Variants in PDE7B observed in about 807,000 individuals in gnomAD.
PDE7B encodes phosphodiesterase 7B, also known as 3',5'-cyclic-AMP phosphodiesterase 7B.
A neutral mutation model predicts 56.2 loss-of-function variants in PDE7B; 29 were observed. The observed-to-expected ratio is 0.52, with a 90% CI of 0.38 to 0.70. The LOEUF is 0.70. PDE7B is among the 30% of genes least tolerant of loss of function. PDE7B has a pLI of 0.00. For synonymous variants in PDE7B, 197 were observed against 196.9 expected, an observed-to-expected ratio of 1.00 and a Z score of 0.00; for missense variants, 490 against 565.0, an observed-to-expected ratio of 0.87 and a Z score of 1.35.
intron 2 of PDE7B, among the ~76,000 whole-genome samples, chr6:135,970,579 T>C (rs1308220632): frequency 6.6e-6 from 1 of 152,190 alleles, no homozygotes; most frequent in African/African-American, 2.4e-5. Context: ...CCACTGATGC[T>C]GATAATGCCA....
chr6:136,014,691 T>C (rs1419939495), intron 2 of PDE7B, among the ~76,000 whole-genome samples: 2 of 152,106 alleles, frequency 1.3e-5, no homozygotes, highest in African/African-American at 2.4e-5. Context: ...AAGGCCGGGG[T>C]AGAAACAGAA....
intron 1 of PDE7B, among the ~76,000 whole-genome samples, chr6:135,877,062 C>T (rs1019705516): frequency 4.1e-5 from 6 of 145,794 alleles, no homozygotes; most frequent in African/African-American, 1.7e-4. Flanking sequence ...CTAGAAGATA[C>T]ATTTGTTCTT....
At chr6:136,137,863 T>C (rs998250439) in intron 3 of PDE7B, among the ~76,000 whole-genome samples, 1 of 152,088 alleles carries the variant, frequency 6.6e-6, no homozygotes. Flanking sequence ...AGCACCAAAG[T>C]AGTGCAAAAA....
intron 2 of PDE7B, among the ~76,000 whole-genome samples, chr6:136,049,849 C>G (rs1358100492): frequency 6.6e-6 from 1 of 152,128 alleles, no homozygotes. Flanking sequence ...CTTGTAGAAC[C>G]ATTGAAAATC....
At chr6:136,063,652 C>T (rs951232271) in intron 2 of PDE7B, among the ~76,000 whole-genome samples, 1 of 152,206 alleles carries the variant, frequency 6.6e-6, no homozygotes, top group Non-Finnish European at 1.5e-5. Flanking sequence ...CAGGGCAGGC[C>T]ATAAGGCAGC....
chr6:136,152,960 G>A (rs946941843), intron 6 of PDE7B, among the ~76,000 whole-genome samples: 3 of 152,232 alleles, frequency 2.0e-5, no homozygotes, highest in African/African-American at 7.2e-5. Flanking sequence ...GGAACTTGCA[G>A]TTAAGTAACT....
intron 6 of PDE7B, among the ~76,000 whole-genome samples, chr6:136,152,100 G>A (rs866146126): frequency 6.6e-6 from 1 of 152,122 alleles, no homozygotes; most frequent in Non-Finnish European, 1.5e-5. Flanking sequence ...CCTGTCTCAG[G>A]GTGGCCAAGG....
rs9373158 is a variant in PDE7B at position 135,974,827 on chromosome 6, G to A, written c.82+27303G>A. Among the ~76,000 whole-genome samples, 698 of 152,260 alleles carry A rather than the reference G, an allele frequency of 4.6e-3. 4 individuals are homozygous for A. The highest frequency in any genetic ancestry group is 0.02 in the East Asian group (103 of 5,176). ...TTTTCTGATCCAAAGGTTCAAAATC[G>A]CTTCAATTCTGTCAGCATGTCAAGT... On this transcript the variant is annotated intron_variant, in intron 2 of 12. Coordinates refer to ENST00000308191, the MANE Select transcript of PDE7B (RefSeq NM_018945.4).
chr6:136,043,689 CT>C (rs1776450912), intron 2 of PDE7B, among the ~76,000 whole-genome samples: 1 of 151,556 alleles, frequency 6.6e-6, no homozygotes, highest in Admixed American at 6.6e-5. Flanking sequence ...AACAACTTCT[CT>C]CATTCATTAT....
At chr6:135,853,370 G>T (rs1048252046) in intron 1 of PDE7B, among the ~76,000 whole-genome samples, 1 of 152,210 alleles carries the variant, frequency 6.6e-6, no homozygotes, top group South Asian at 2.1e-4. Context: ...AGGATGTGCC[G>T]TGAATGGACA....
intron 2 of PDE7B, among the ~76,000 whole-genome samples, chr6:136,040,595 T>G (rs1255973439): frequency 1.3e-5 from 2 of 152,158 alleles, no homozygotes; most frequent in East Asian, 3.9e-4. Context: ...TTTTGTTTGT[T>G]TTTAGAAAGT....
At chr6:135,969,304 TTAAAA>T (rs1167652534) in intron 2 of PDE7B, among the ~76,000 whole-genome samples, 13 of 152,110 alleles carry the variant, frequency 8.5e-5, no homozygotes, top group African/African-American at 2.2e-4. Context: ...ATCCTGGAAC[TTAAAA>T]TAAATAAAAA....
At chr6:136,158,316 A>T (rs1167195744) in intron 8 of PDE7B, among the ~76,000 whole-genome samples, 2 of 152,224 alleles carry the variant, frequency 1.3e-5, no homozygotes, top group African/African-American at 4.8e-5. Context: ...AGATTCTGAA[A>T]ATGTTAAGAA....
intron 2 of PDE7B, among the ~76,000 whole-genome samples, chr6:136,078,330 T>C (rs1777154043): frequency 6.6e-6 from 1 of 152,186 alleles, no homozygotes; most frequent in Admixed American, 6.5e-5. Flanking sequence ...CTTTCCAACA[T>C]TTAACTAAGA....
At chr6:136,144,843 T>C (rs532287280) in intron 3 of PDE7B, among the ~76,000 whole-genome samples, 15 of 152,268 alleles carry the variant, frequency 9.9e-5, no homozygotes, top group African/African-American at 3.6e-4. Context: ...ATGTGTGAGG[T>C]TGTATCCTCA....
At chr6:135,979,032 T>C (rs1383864738) in intron 2 of PDE7B, among the ~76,000 whole-genome samples, 3 of 151,990 alleles carry the variant, frequency 2.0e-5, no homozygotes, top group African/African-American at 4.8e-5. Context: ...ACAGCTCTTA[T>C]TATTTTGAAA....
intron 3 of PDE7B, among the ~76,000 whole-genome samples, chr6:136,139,797 G>T (rs530151114): frequency 3.3e-5 from 5 of 152,104 alleles, no homozygotes; most frequent in Middle Eastern, 3.2e-3. Flanking sequence ...CATATCCTTC[G>T]CCCACTTGTT....
chr6:135,856,263 G>T (rs1051594972), intron 1 of PDE7B, among the ~76,000 whole-genome samples: 1 of 152,148 alleles, frequency 6.6e-6, no homozygotes, highest in African/African-American at 2.4e-5. Context: ...TCTTGTATCA[G>T]GTTGATGTGC....
chr6:135,893,393 T>C (rs1775843523), intron 1 of PDE7B, among the ~76,000 whole-genome samples: 1 of 152,108 alleles, frequency 6.6e-6, no homozygotes, highest in Non-Finnish European at 1.5e-5. Flanking sequence ...ACAAAGGACA[T>C]GAACTCATCA....
Sources: gnomAD v4.1 joint callset for allele counts (sites outside exome capture counted in the v4.1 genomes callset) on GRCh38, gnomAD v4.1.1 for gene constraint, MANE v1.5 for transcripts, NCBI Gene and HGNC (gene_info 2026-07-23, HGNC 2026-07-21) for gene names.